SEZ6L2: variants seen among roughly 807,000 people sequenced by gnomAD.
SEZ6L2 encodes seizure 6-like protein 2.
SEZ6L2 carries 44 observed loss-of-function variants against 97.0 expected under a neutral mutation model. The ratio of observed to expected loss-of-function variants is 0.45; its 90% CI spans 0.36 to 0.58. The LOEUF is 0.58. SEZ6L2 is among the 20% of genes least tolerant of loss of function. The probability of loss-of-function intolerance (pLI) is 0.00; values close to 1 mark genes in which losing one functional copy is unlikely to be tolerated. For missense variants in SEZ6L2, 1,086 were observed against 1,233.3 expected (o/e 0.88, Z 1.79); for synonymous variants, 543 against 546.1 (o/e 0.99, Z 0.08).
Position 29,878,479 on chromosome 16 carries a change from T to C in SEZ6L2, c.1574-54A>G, listed in dbSNP as rs565278689. 30 of 1,526,560 alleles carry C rather than the reference T, an allele frequency of 2.0e-5. No individual in the cohort carries two copies. The East Asian group carries it at 5.1e-4, about 26-fold the overall frequency. The allele number at this position is 1,526,560 out of a possible 1,614,324, so 94.6% of individuals were successfully genotyped here. ...ACCCAGGTGGGCATGCTGTCTTCAT[T>C]TCTCCACAGTCCTCACCACTCGTGA... On this transcript the variant is annotated intron_variant, in intron 9 of 17. Coordinates refer to ENST00000617533, the MANE Select transcript of SEZ6L2 (RefSeq NM_001243332.2).
chr16:29,878,468 G>A, intron 9 of SEZ6L2, 43 bp from the exon 10 acceptor site: 2 of 1,543,014 alleles, frequency 1.3e-6, no homozygotes, highest in Non-Finnish European at 1.8e-6. Context: ...AGGTGGGCAT[G>A]CTGTCTTCAT....
intron 9 of SEZ6L2, among the ~76,000 whole-genome samples, chr16:29,879,322 T>C (rs1596967687): frequency 6.7e-6 from 1 of 148,342 alleles, no homozygotes; most frequent in South Asian, 2.2e-4. Context: ...GCCTCCCGGG[T>C]TCAAGCGATT....
intron 14 of SEZ6L2, among the ~76,000 whole-genome samples, 155 bp from the exon 15 acceptor site, chr16:29,872,898 G>C (rs2067816444): frequency 6.6e-6 from 1 of 152,230 alleles, no homozygotes; most frequent in Non-Finnish European, 1.5e-5. Flanking sequence ...AGAGAGAGGA[G>C]TGACCAGCAC....
intron 16 of SEZ6L2, 32 bp from the exon 17 acceptor site, chr16:29,872,315 A>G: frequency 6.3e-7 from 1 of 1,598,556 alleles, no homozygotes; most frequent in Non-Finnish European, 8.6e-7. Context: ...GGAGCTTATC[A>G]ACAGGTAAGC....
Position 29,876,649 on chromosome 16 carries a change from G to A in SEZ6L2, c.2104+107C>T. 9.6e-7 allele frequency: 1 copy of A among 1,038,046 alleles called. No individual in the cohort carries two copies. Among genetic ancestry groups the A allele is most frequent in the Non-Finnish European group, 1.4e-6 (1 of 734,574 alleles). 64.3% of individuals were successfully genotyped at this position (1,038,046 alleles called of 1,614,324 possible). On this transcript the variant is annotated intron_variant, in intron 12 of 17. Coordinates refer to ENST00000617533, the MANE Select transcript of SEZ6L2 (RefSeq NM_001243332.2). This position sits in a 1 kb window ranked among gnomAD's most constrained non-coding sequence, Gnocchi z 6.5. ...GAAGAAGATCCAGGAAGGACCCCGA[G>A]CGAAGGGATGGAACCCAGAAAGCAC...
Position 29,873,627 on chromosome 16 carries a change from C to A in SEZ6L2, c.2207G>T (p.Gly736Val). 6.2e-7 allele frequency: 1 copy of A among 1,614,054 alleles called. No individual in the cohort carries two copies. The highest frequency in any genetic ancestry group is 1.1e-5 in the South Asian group (1 of 91,082). Reference protein sequence around the residue: ...GSHVQYRCLPGYSLEGAAMLT... With the variant: ...GSHVQYRCLPVYSLEGAAMLT... ...CATGGCTGCCCCCTCGAGGCTGTAC[C>A]CTGGCAGGCAGCGGTACTGGACGTG... The change falls in exon 13 of 18, where the codon GGG (glycine) becomes GTG (valine). Residue 736 changes from glycine to valine, a missense_variant. By Grantham distance (109) the Gly-to-Val change is moderately radical (BLOSUM62 -3). Around this residue, in one of 2 missense-constraint regions of SEZ6L2, gnomAD observed 310 missense variants for 438.6 expected, o/e 0.71. Coordinates refer to ENST00000617533, the MANE Select transcript of SEZ6L2 (RefSeq NM_001243332.2). The surrounding 1 kb of genome is among the most constrained non-coding windows in gnomAD (Gnocchi z 4.3).
rs2067957257 is a variant in SEZ6L2, at chr16:29,878,456, C to A, written c.1574-31G>T. ...GAAAAAGGGGTGTCAGGTTCAGGACCCAGGTGGGCATGCTGTCTTCATTTC... is the reference window on the plus strand; with the variant it reads ...GAAAAAGGGGTGTCAGGTTCAGGACACAGGTGGGCATGCTGTCTTCATTTC... On this transcript the variant is annotated intron_variant, in intron 9 of 17. Transcript: ENST00000617533. The A allele has an allele frequency of 1.9e-6, 3 of 1,562,664 alleles. No homozygotes were observed. The South Asian group carries it at 3.6e-5, about 19-fold the overall frequency.
chr16:29,893,638 ACT>A (rs1265821384), intron 5 of SEZ6L2, among the ~76,000 whole-genome samples: 2 of 143,204 alleles, frequency 1.4e-5, no homozygotes, highest in African/African-American at 2.6e-5. Flanking sequence ...ACAAAGTGAG[ACT>A]CTGTCTCAAA....
chr16:29,880,749 G>A (rs2068013793), intron 8 of SEZ6L2, among the ~76,000 whole-genome samples: 2 of 150,178 alleles, frequency 1.3e-5, no homozygotes, highest in Admixed American at 1.3e-4. Flanking sequence ...GAGTCACTGC[G>A]CCCAGCCTGG....
At position 29,899,081 on chromosome 16, in the gene SEZ6L2, T is replaced by A; in HGVS notation, c.-62A>T. 1.5e-5 allele frequency: 13 copies of A among 884,662 alleles called. No homozygotes were observed. Among genetic ancestry groups the A allele is most frequent in the Non-Finnish European group, 2.3e-5 (13 of 570,196 alleles). 54.8% of individuals were successfully genotyped at this position (884,662 alleles called of 1,614,324 possible). ...TAAGTAATCTGGCTGCCACCTTTCC[T>A]CCGTCTCCGTTTATCTTTCCCTTTA... On this transcript the variant is annotated 5_prime_UTR_variant, in exon 1 of 18. Coordinates refer to ENST00000617533, the MANE Select transcript of SEZ6L2 (RefSeq NM_001243332.2).
intron 5 of SEZ6L2, among the ~76,000 whole-genome samples, chr16:29,892,853 C>G (rs2068298764): frequency 6.6e-6 from 1 of 152,210 alleles, no homozygotes; most frequent in African/African-American, 2.4e-5. Context: ...CTAGAACACA[C>G]CCTTGTACTG....
Position 29,896,861 on chromosome 16 carries a change from T to C in SEZ6L2, c.472A>G (p.Ile158Val), listed in dbSNP as rs867927834. 1.2e-6 allele frequency: 2 copies of C among 1,614,006 alleles called. No homozygotes were observed. The highest frequency in any genetic ancestry group is 1.3e-5 in the African/African-American group (1 of 75,026). Reference protein sequence around the residue: ...GGEEETTTTIITTTTVTTTVT... With the variant: ...GGEEETTTTIVTTTTVTTTVT... ...GTAGTGGTAACAGTTGTCGTGGTGA[T>C]GATGGTGGTCGTCGTCTCCTCCTCT... The change falls in exon 3 of 18, where the codon ATC becomes GTC. Residue 158 changes from isoleucine (I) to valine (V), a missense_variant. This residue lies in a region of SEZ6L2 where 776 missense variants were observed against 794.7 expected (regional missense o/e 0.98). Transcript: ENST00000617533.
chr16:29,892,019 A>G (rs1178120627), intron 5 of SEZ6L2, among the ~76,000 whole-genome samples: 1 of 152,178 alleles, frequency 6.6e-6, no homozygotes. Flanking sequence ...AGCAATCTAC[A>G]TAACCTTTGA....
chr16:29,894,544 GC>G (rs1462375145), intron 5 of SEZ6L2, among the ~76,000 whole-genome samples: 1 of 151,116 alleles, frequency 6.6e-6, no homozygotes, highest in African/African-American at 2.4e-5. Flanking sequence ...GCTATGTGCT[GC>G]CCCCGCTGGT....
intron 12 of SEZ6L2, among the ~76,000 whole-genome samples, chr16:29,874,002 C>T (rs920975205): frequency 1.3e-5 from 2 of 152,014 alleles, no homozygotes; most frequent in Non-Finnish European, 2.9e-5. Context: ...CTCCCAGAAG[C>T]TTAGGGCTGG....
chr16:29,895,693 G>A, intron 4 of SEZ6L2, 28 bp downstream of exon 4: 1 of 1,601,992 alleles, frequency 6.2e-7, no homozygotes. Context: ...CTTGGAAGCT[G>A]CACAGTCACA....
At chr16:29,885,178 A>G (rs1228507088) in intron 8 of SEZ6L2, among the ~76,000 whole-genome samples, 4 of 152,202 alleles carry the variant, frequency 2.6e-5, no homozygotes, top group Admixed American at 2.6e-4. Flanking sequence ...ACTGCATTCC[A>G]GCCTGGGTGA....
intron 5 of SEZ6L2, among the ~76,000 whole-genome samples, chr16:29,890,528 A>G (rs1223865199): frequency 6.6e-6 from 1 of 152,114 alleles, no homozygotes; most frequent in Non-Finnish European, 1.5e-5. Flanking sequence ...GATATAGCCT[A>G]CACAACACAG....
At position 29,898,964 on chromosome 16, in the gene SEZ6L2, A is replaced by G; in HGVS notation, c.56T>C (p.Leu19Pro). ...PPPPQLLFLI[L>P]LSCPWIQGLP... is the part of the protein sequence containing the mutation. ...ACCCTGGATCCAGGGACAGCTCAGCAGAATTAGGAACAGCAGCTGGGGAGG... is the reference window on the plus strand; with the variant it reads ...ACCCTGGATCCAGGGACAGCTCAGCGGAATTAGGAACAGCAGCTGGGGAGG... Residue 19 changes from leucine to proline, a missense_variant, in exon 1 of 18, where the codon CTG (leucine) becomes CCG (proline). Around this residue, in one of 2 missense-constraint regions of SEZ6L2, gnomAD observed 776 missense variants for 794.7 expected, o/e 0.98. Coordinates refer to ENST00000617533, the MANE Select transcript of SEZ6L2 (RefSeq NM_001243332.2). 6.2e-7 allele frequency: 1 copy of G among 1,612,008 alleles called. No homozygotes were observed. The highest frequency in any genetic ancestry group is 8.5e-7 in the Non-Finnish European group (1 of 1,179,658).
Sources: gnomAD v4.1 joint callset for allele counts (sites outside exome capture counted in the v4.1 genomes callset) on GRCh38, gnomAD v4.1.1 for gene constraint, gnomAD v4.1.1 regional missense constraint, Gnocchi (gnomAD v3.1) non-coding constraint, MANE v1.5 for transcripts, NCBI Gene and HGNC (gene_info 2026-07-23, HGNC 2026-07-21) for gene names.